The following RBMS3 variants were observed in gnomAD, a reference collection of about 807,000 sequenced individuals.
The protein encoded by RBMS3 is RNA-binding motif, single-stranded-interacting protein 3.
Under a neutral mutation model 66.8 loss-of-function variants are expected in RBMS3, and 27 were observed. The observed-to-expected ratio is 0.40, with a 90% CI of 0.30 to 0.56. The LOEUF is 0.56. RBMS3 is among the 20% of genes least tolerant of loss of function. The pLI is 0.40. For synonymous variants in RBMS3, 188 were observed against 183.0 expected (o/e 1.03, Z -0.22); for missense variants, 513 against 549.5 (o/e 0.93, Z 0.66).
At chr3:29,935,489 T>C (rs183568031) in intron 10 of RBMS3, among the ~76,000 whole-genome samples, 30 of 152,178 alleles carry the variant, frequency 2.0e-4, no homozygotes, top group East Asian at 7.7e-4. Flanking sequence ...TATAGATAGA[T>C]AGAAAACAGG....
At chr3:29,747,930 C>CCTAT (rs747400502) in intron 5 of RBMS3, among the ~76,000 whole-genome samples, 1 of 131,310 alleles carries the variant, frequency 7.6e-6, no homozygotes, top group Non-Finnish European at 1.6e-5. Flanking sequence ...GGGACCCTTC[C>CCTAT]CTATCTGCCT....
intron 12 of RBMS3, among the ~76,000 whole-genome samples, chr3:29,981,779 GA>G (rs1459620594): frequency 6.6e-6 from 1 of 152,114 alleles, no homozygotes; most frequent in Non-Finnish European, 1.5e-5. Context: ...GGATGTAGCT[GA>G]TTTGATCATA....
chr3:29,928,222 A>ACACACACG (rs2061002354), intron 10 of RBMS3, among the ~76,000 whole-genome samples: 1 of 145,272 alleles, frequency 6.9e-6, no homozygotes, highest in Non-Finnish European at 1.5e-5. Flanking sequence ...ACACACACAC[A>ACACACACG]CACACACACA....
intron 2 of RBMS3, among the ~76,000 whole-genome samples, chr3:29,480,852 A>G (rs2043104598): frequency 6.6e-6 from 1 of 152,210 alleles, no homozygotes; most frequent in Non-Finnish European, 1.5e-5. Flanking sequence ...AGAGAAATAT[A>G]GGTGATAGAT....
chr3:29,457,925 G>A (rs559710115), intron 2 of RBMS3, among the ~76,000 whole-genome samples: 3 of 142,472 alleles, frequency 2.1e-5, no homozygotes, highest in South Asian at 4.4e-4. Context: ...TGTTTCCTTT[G>A]CTTAGAGCTT....
chr3:29,602,647 C>G (rs767832566), intron 4 of RBMS3, among the ~76,000 whole-genome samples: 1 of 151,756 alleles, frequency 6.6e-6, no homozygotes, highest in African/African-American at 2.4e-5. Context: ...ATTTTTTTTG[C>G]GTCAACATTA....
At chr3:29,305,594 G>A (rs990479627) in intron 1 of RBMS3, among the ~76,000 whole-genome samples, 3 of 151,840 alleles carry the variant, frequency 2.0e-5, no homozygotes, top group African/African-American at 7.3e-5. Flanking sequence ...ACGTTGACCA[G>A]CCTCACCCAC....
chr3:29,357,535 A>T (rs1032914188), intron 1 of RBMS3, among the ~76,000 whole-genome samples: 5 of 152,316 alleles, frequency 3.3e-5, no homozygotes, highest in Admixed American at 6.5e-5. Flanking sequence ...TTATAGCAGC[A>T]TGATTTATAT....
intron 2 of RBMS3, among the ~76,000 whole-genome samples, chr3:29,439,757 C>A (rs1008848331): frequency 1.3e-4 from 20 of 152,094 alleles, no homozygotes; most frequent in African/African-American, 4.3e-4. Flanking sequence ...ATCCCTCCCC[C>A]CTTTTTCTTA....
chr3:29,312,346 G>A (rs376549565), intron 1 of RBMS3, among the ~76,000 whole-genome samples: 21 of 151,758 alleles, frequency 1.4e-4, no homozygotes, highest in African/African-American at 4.3e-4. Context: ...TGAAGAATAC[G>A]TGCTCTGTTT....
At chr3:29,345,539 A>G (rs2036524511) in intron 1 of RBMS3, among the ~76,000 whole-genome samples, 1 of 152,168 alleles carries the variant, frequency 6.6e-6, no homozygotes, top group South Asian at 2.1e-4. Flanking sequence ...CCTCTGAAAG[A>G]CATAAAATGC....
chr3:29,400,649 G>A (rs192194504), intron 1 of RBMS3, among the ~76,000 whole-genome samples: 3 of 152,006 alleles, frequency 2.0e-5, no homozygotes, highest in East Asian at 3.9e-4. Context: ...ATTGGGAAAA[G>A]GACCTACTTA....
chr3:29,647,269 G>A (rs368640105), intron 4 of RBMS3, among the ~76,000 whole-genome samples: 1 of 152,154 alleles, frequency 6.6e-6, no homozygotes, highest in Non-Finnish European at 1.5e-5. Context: ...GTGAGCCACC[G>A]TGCACGGCCT....
At chr3:29,702,923 C>T (rs977495776) in intron 4 of RBMS3, among the ~76,000 whole-genome samples, 48 of 152,290 alleles carry the variant, frequency 3.2e-4, no homozygotes, top group Middle Eastern at 3.4e-3. Context: ...CCACCAATTC[C>T]GGACACAATA....
chr3:29,655,752 C>T (rs2050302173), intron 4 of RBMS3, among the ~76,000 whole-genome samples: 2 of 152,140 alleles, frequency 1.3e-5, no homozygotes, highest in Non-Finnish European at 2.9e-5. Flanking sequence ...AAAACAACCT[C>T]AGGCAGGTCC....
chr3:29,832,281 C>T (rs1008782850), intron 6 of RBMS3, among the ~76,000 whole-genome samples: 1 of 152,134 alleles, frequency 6.6e-6, no homozygotes, highest in Admixed American at 6.5e-5. Context: ...AACTCTTTCT[C>T]TTATACCAAA....
intron 14 of RBMS3, among the ~76,000 whole-genome samples, chr3:29,998,256 A>T (rs2125394638): frequency 6.6e-6 from 1 of 152,302 alleles, no homozygotes; most frequent in East Asian, 1.9e-4. Context: ...CTGCTCAATG[A>T]AATAAAAGAG....
chr3:29,572,753 G>A (rs1019269775), intron 3 of RBMS3, among the ~76,000 whole-genome samples: 21 of 151,928 alleles, frequency 1.4e-4, no homozygotes, highest in Non-Finnish European at 1.9e-4. Context: ...CTTTTTTCTC[G>A]TTTTGGTATC....
At chr3:29,803,747 C>T (rs765122781) in intron 6 of RBMS3, among the ~76,000 whole-genome samples, 26 of 151,810 alleles carry the variant, frequency 1.7e-4, no homozygotes, top group Non-Finnish European at 3.5e-4. Context: ...TTTGAACACT[C>T]TCAAGCTACA....
Sources: allele counts gnomAD v4.1 joint callset (sites outside exome capture counted in the v4.1 genomes callset), GRCh38; gene constraint gnomAD v4.1.1; transcripts MANE v1.5; gene names NCBI Gene and HGNC (gene_info 2026-07-23, HGNC 2026-07-21).